Variants in DCDC1 observed in about 807,000 individuals in gnomAD.
The protein encoded by DCDC1 is doublecortin domain-containing protein 1.
A neutral mutation model predicts 178.3 loss-of-function variants in DCDC1; 200 were observed. The observed-to-expected ratio is 1.12, with a 90% CI of 1.00 to 1.26. DCDC1 has a LOEUF of 1.26. DCDC1 is among the 50% of genes most tolerant of loss of function. The probability of loss-of-function intolerance (pLI) is 0.00; values close to 1 mark genes in which losing one functional copy is unlikely to be tolerated. For synonymous variants in DCDC1, 690 were observed against 604.8 expected (o/e 1.14, Z -2.07); for missense variants, 1,983 against 1,749.2 (o/e 1.13, Z -2.38).
chr11:31,306,405 A>G lies in DCDC1; in HGVS notation c.435-17T>C. 1 of 1,574,144 alleles carries G rather than the reference A, an allele frequency of 6.4e-7. No individual in the cohort carries two copies. Among genetic ancestry groups the G allele is most frequent in the East Asian group, 2.3e-5 (1 of 44,140 alleles). On this transcript the variant is annotated splice_polypyrimidine_tract_variant and intron_variant, in intron 4 of 38. Transcript: ENST00000684477. ...TCTGCAACCCTGAAGAAAAAGAAAA[A>G]CAGAAAAATTGATGCATGCTAATTA...
At chr11:31,055,751 A>G (rs533181217) in intron 20 of DCDC1, among the ~76,000 whole-genome samples, 89 of 152,308 alleles carry the variant, frequency 5.8e-4, no homozygotes, top group Non-Finnish European at 1.1e-3. Context: ...GTAACTCAGG[A>G]ATGGAAAAAC....
chr11:30,912,278 T>C (rs1328303848), intron 27 of DCDC1, among the ~76,000 whole-genome samples: 2 of 151,778 alleles, frequency 1.3e-5, no homozygotes, highest in African/African-American at 4.8e-5. Flanking sequence ...CAGTTTCAGG[T>C]ATTCTTTTTT....
intron 1 of DCDC1, among the ~76,000 whole-genome samples, chr11:31,341,530 C>A (rs1455769299): frequency 6.6e-6 from 1 of 152,094 alleles, no homozygotes; most frequent in Non-Finnish European, 1.5e-5. Context: ...CTTACACAAA[C>A]CTAGATGGCA....
intron 21 of DCDC1, chr11:30,944,305 C>T (rs201637851): frequency 1.5e-5 from 7 of 456,540 alleles, no homozygotes; most frequent in Non-Finnish European, 3.1e-5. Context: ...AACTTAGGAA[C>T]CAAGTCTATC....
At chr11:31,296,949 C>G (rs1026060935) in intron 6 of DCDC1, among the ~76,000 whole-genome samples, 6 of 152,124 alleles carry the variant, frequency 3.9e-5, no homozygotes, top group Non-Finnish European at 7.4e-5. Flanking sequence ...ATGAGATTTC[C>G]GTGGGGACAC....
chr11:31,166,015 C>T (rs1015711620), intron 9 of DCDC1, among the ~76,000 whole-genome samples: 1 of 152,112 alleles, frequency 6.6e-6, no homozygotes, highest in East Asian at 1.9e-4. Context: ...AAATGCAGTT[C>T]CTGAGTTTAA....
At chr11:31,147,225 T>C (rs772624178) in intron 9 of DCDC1, among the ~76,000 whole-genome samples, 14 of 152,204 alleles carry the variant, frequency 9.2e-5, no homozygotes, top group African/African-American at 2.9e-4. Flanking sequence ...TTCTTTCTTA[T>C]TCCTCACTCC....
At chr11:31,245,034 G>T (rs888365623) in intron 8 of DCDC1, among the ~76,000 whole-genome samples, 5 of 151,244 alleles carry the variant, frequency 3.3e-5, no homozygotes, top group Non-Finnish European at 7.4e-5. Context: ...TCTCACTCAC[G>T]CTGTTTCATT....
intron 30 of DCDC1, 143 bp downstream of exon 30, chr11:30,906,397 T>C: frequency 6.3e-6 from 5 of 793,758 alleles, no homozygotes; most frequent in Non-Finnish European, 9.7e-6. Context: ...AGGAAATCAA[T>C]GCAGGTAGAA....
intron 26 of DCDC1, 21 bp downstream of exon 26, chr11:30,916,849 G>T: frequency 1.3e-6 from 2 of 1,582,740 alleles, no homozygotes; most frequent in Non-Finnish European, 1.7e-6. Flanking sequence ...TCTTTAAGAG[G>T]AATCCTTTGC....
chr11:31,127,392 T>G, intron 11 of DCDC1, 77 bp downstream of exon 11: 1 of 562,738 alleles, frequency 1.8e-6, no homozygotes. Context: ...TAAGTGGCAT[T>G]GTTATAAGTG....
intron 9 of DCDC1, among the ~76,000 whole-genome samples, chr11:31,167,623 A>G (rs1966848676): frequency 6.6e-6 from 1 of 152,048 alleles, no homozygotes; most frequent in Non-Finnish European, 1.5e-5. Context: ...TAATCCTTCT[A>G]TTTTATTACA....
intron 34 of DCDC1, among the ~76,000 whole-genome samples, chr11:30,895,645 T>C (rs1944144152): frequency 6.6e-6 from 1 of 152,168 alleles, no homozygotes; most frequent in Non-Finnish European, 1.5e-5. Context: ...AAACCAGAAA[T>C]GCTTATTATG....
rs1162390546 is a variant in DCDC1, at chr11:31,290,729, G to T, written c.878C>A (p.Thr293Asn). 1.9e-6 allele frequency: 3 copies of T among 1,613,414 alleles called. No homozygotes were observed. Among genetic ancestry groups the T allele is most frequent in the Admixed American group, 1.7e-5 (1 of 59,966 alleles). ...CTTAAAGAACAGAATTCGGACTGAG[G>T]TCCTCTCAGTAAGTTTCTTCATTCT... ...SIRMKKLTERTSVRILFFKNG... is the reference protein window; with the variant it reads ...SIRMKKLTERNSVRILFFKNG... The change falls in exon 7 of 39, where the codon ACC (threonine) becomes AAC (asparagine). Residue 293 changes from threonine to asparagine, a missense_variant. Physicochemically the swap from Thr to Asn is moderately conservative, Grantham distance 65. Coordinates refer to ENST00000684477, the MANE Select transcript of DCDC1 (RefSeq NM_001387274.1).
chr11:31,235,678 G>A (rs1389052045), intron 9 of DCDC1, among the ~76,000 whole-genome samples: 1 of 151,848 alleles, frequency 6.6e-6, no homozygotes, highest in Admixed American at 6.6e-5. Flanking sequence ...CATATTCCTA[G>A]ATGATCCCCA....
At chr11:31,095,200 G>A (rs888755322) in intron 15 of DCDC1, among the ~76,000 whole-genome samples, 3 of 152,110 alleles carry the variant, frequency 2.0e-5, no homozygotes, top group Non-Finnish European at 4.4e-5. Context: ...ATGGGCATTT[G>A]GGTTGGTTCC....
intron 34 of DCDC1, among the ~76,000 whole-genome samples, chr11:30,897,440 T>C (rs1167835501): frequency 4.6e-5 from 7 of 151,724 alleles, no homozygotes; most frequent in African/African-American, 1.7e-4. Flanking sequence ...TATGAAAAAA[T>C]TAGCCGGGCT....
chr11:31,155,644 G>C (rs1647215913), intron 9 of DCDC1, among the ~76,000 whole-genome samples: 1 of 152,234 alleles, frequency 6.6e-6, no homozygotes, highest in African/African-American at 2.4e-5. Flanking sequence ...AAAGAAGGCA[G>C]ACAGAGGACA....
chr11:31,244,622 T>C (rs932905168), intron 8 of DCDC1, among the ~76,000 whole-genome samples: 1 of 151,790 alleles, frequency 6.6e-6, no homozygotes, highest in African/African-American at 2.4e-5. Flanking sequence ...TGCATGATTG[T>C]GGTAAGAACT....
Sources: gnomAD v4.1 joint callset for allele counts (sites outside exome capture counted in the v4.1 genomes callset) on GRCh38, gnomAD v4.1.1 for gene constraint, MANE v1.5 for transcripts, NCBI Gene and HGNC (gene_info 2026-07-23, HGNC 2026-07-21) for gene names.